The following DLG1 variants were observed in gnomAD, a reference collection of about 807,000 sequenced individuals.
The protein encoded by DLG1 is discs large MAGUK scaffold protein 1.
Under a neutral mutation model 123.4 loss-of-function variants are expected in DLG1, and 42 were observed. The ratio of observed to expected loss-of-function variants is 0.34; its 90% CI spans 0.27 to 0.44. The LOEUF (loss-of-function observed/expected upper bound fraction) is 0.44, where lower values mean the gene tolerates loss of function less well. Ranked by LOEUF, DLG1 falls within the 20% of genes least tolerant of loss-of-function variation. The pLI, the probability that DLG1 is intolerant of heterozygous loss-of-function variation, is 1.00. For synonymous variants in DLG1, 317 were observed against 356.2 expected, an observed-to-expected ratio of 0.89 and a Z score of 1.24; for missense variants, 942 against 1,082.6, an observed-to-expected ratio of 0.87 and a Z score of 1.82.
At chr3:197,063,336 T>C (rs1737168976) in intron 22 of DLG1, among the ~76,000 whole-genome samples, 1 of 152,136 alleles carries the variant, frequency 6.6e-6, no homozygotes, top group Non-Finnish European at 1.5e-5. Context: ...GTTAAAATAA[T>C]ACAAAAATGT....
At chr3:197,136,984 A>G (rs1054322931) in intron 9 of DLG1, among the ~76,000 whole-genome samples, 3 of 152,218 alleles carry the variant, frequency 2.0e-5, no homozygotes, top group African/African-American at 7.2e-5. Context: ...CATCATAATT[A>G]TGCTTACCTA....
At position 197,119,419 on chromosome 3, in the gene DLG1, T is replaced by C. The variant is rs993352129; in HGVS notation, c.1277A>G (p.Glu426Gly). The C allele has an allele frequency of 6.2e-7, 1 of 1,601,410 alleles. No individual in the cohort carries two copies. The highest frequency in any genetic ancestry group is 8.5e-7 in the Non-Finnish European group (1 of 1,172,794). Residue 426 changes from glutamate to glycine, a missense_variant, in exon 12 of 25, where the codon GAA becomes GGA. Transcript: ENST00000667157. The part of the protein sequence containing the change: ...PVSKAVLGDD[E>G]ITREPRKVVL... ...ATGTTAACTTCCTTACCTTGTAATTTCATCATCTCCAAGTACTGCTTTAGA... is the reference window on the plus strand; with the variant it reads ...ATGTTAACTTCCTTACCTTGTAATTCCATCATCTCCAAGTACTGCTTTAGA...
chr3:197,207,051 G>A (rs1478508096), intron 4 of DLG1, among the ~76,000 whole-genome samples: 1 of 152,186 alleles, frequency 6.6e-6, no homozygotes, highest in Non-Finnish European at 1.5e-5. Context: ...TTCCATGTAT[G>A]ATGTATGGCT....
At chr3:197,148,763 G>A (rs1792409559) in intron 6 of DLG1, among the ~76,000 whole-genome samples, 1 of 152,116 alleles carries the variant, frequency 6.6e-6, no homozygotes, top group Non-Finnish European at 1.5e-5. Context: ...GTTGGATTAT[G>A]CAATGGCTTC....
At chr3:197,089,622 A>G (rs1484945807) in intron 15 of DLG1, among the ~76,000 whole-genome samples, 1 of 151,960 alleles carries the variant, frequency 6.6e-6, no homozygotes, top group African/African-American at 2.4e-5. Context: ...AATATAACCT[A>G]TTATGTTCTG....
chr3:197,197,330 T>C (rs1723063327), intron 4 of DLG1, among the ~76,000 whole-genome samples: 1 of 152,254 alleles, frequency 6.6e-6, no homozygotes, highest in Admixed American at 6.5e-5. Context: ...TTAGCAGCTC[T>C]TGATATTCAA....
intron 5 of DLG1, among the ~76,000 whole-genome samples, chr3:197,193,117 G>C (rs1426809213): frequency 1.3e-5 from 2 of 151,644 alleles, no homozygotes; most frequent in Non-Finnish European, 2.9e-5. Flanking sequence ...AATTTTACTA[G>C]TAAGAAATGA....
intron 6 of DLG1, among the ~76,000 whole-genome samples, chr3:197,145,820 G>C (rs1333185909): frequency 6.6e-6 from 1 of 151,562 alleles, no homozygotes; most frequent in Non-Finnish European, 1.5e-5. Context: ...AAATTAGCCA[G>C]GTGTGGTGGT....
intron 11 of DLG1, among the ~76,000 whole-genome samples, chr3:197,127,215 G>C (rs1348576847): frequency 6.6e-6 from 1 of 151,306 alleles, no homozygotes; most frequent in Non-Finnish European, 1.5e-5. Context: ...CTGAGGCCAG[G>C]AGTTTGAGAC....
chr3:197,161,978 G>A (rs957925642), intron 5 of DLG1, among the ~76,000 whole-genome samples: 1 of 152,036 alleles, frequency 6.6e-6, no homozygotes, highest in Non-Finnish European at 1.5e-5. Context: ...CTCTTTAGAT[G>A]CTTAAATCAT....
At chr3:197,118,187 T>C (rs1006051875) in intron 12 of DLG1, among the ~76,000 whole-genome samples, 7 of 152,198 alleles carry the variant, frequency 4.6e-5, no homozygotes, top group Non-Finnish European at 7.4e-5. Flanking sequence ...GGTGCAAATA[T>C]AACTTATTTT....
chr3:197,235,995 T>C (rs1206618300), intron 4 of DLG1, among the ~76,000 whole-genome samples: 1 of 152,146 alleles, frequency 6.6e-6, no homozygotes, highest in East Asian at 1.9e-4. Flanking sequence ...CAACCCAGAA[T>C]TTTTTTCATC....
chr3:197,101,946 A>G (rs1763714495), intron 14 of DLG1, among the ~76,000 whole-genome samples: 1 of 152,128 alleles, frequency 6.6e-6, no homozygotes, highest in South Asian at 2.1e-4. Flanking sequence ...TAGCAGAGAC[A>G]AGATCTTGCT....
intron 5 of DLG1, among the ~76,000 whole-genome samples, chr3:197,189,859 T>C (rs1025089606): frequency 3.9e-5 from 6 of 152,124 alleles, no homozygotes; most frequent in Non-Finnish European, 7.4e-5. Context: ...CATGACAAAA[T>C]GCCAGCAACT....
At chr3:197,147,114 T>C (rs1265453162) in intron 6 of DLG1, among the ~76,000 whole-genome samples, 1 of 151,912 alleles carries the variant, frequency 6.6e-6, no homozygotes, top group East Asian at 1.9e-4. Context: ...CCTGCAAGAA[T>C]GGTCATCATA....
intron 4 of DLG1, among the ~76,000 whole-genome samples, chr3:197,277,027 G>T (rs1415870921): frequency 6.6e-6 from 1 of 151,606 alleles, no homozygotes; most frequent in African/African-American, 2.4e-5. Flanking sequence ...GAGTAGCTGG[G>T]ACCACAGGAG....
intron 6 of DLG1, among the ~76,000 whole-genome samples, chr3:197,148,261 A>AAAAAAAAAAAAG: frequency 6.9e-6 from 1 of 144,788 alleles, no homozygotes; most frequent in East Asian, 2.0e-4. Context: ...AAAAAAAAAA[A>AAAAAAAAAAAAG]TAGCCAGTCA....
intron 4 of DLG1, among the ~76,000 whole-genome samples, chr3:197,195,445 C>T (rs865887905): frequency 2.6e-5 from 4 of 152,026 alleles, no homozygotes; most frequent in South Asian, 2.1e-4. Flanking sequence ...CACTGCAGAG[C>T]GATTCACAAT....
chr3:197,113,691 G>C (rs572314268), intron 13 of DLG1, among the ~76,000 whole-genome samples: 1 of 149,202 alleles, frequency 6.7e-6, no homozygotes, highest in Admixed American at 6.6e-5. Context: ...GAACCAAGCC[G>C]ACAATTTCTG....
Sources: allele counts gnomAD v4.1 joint callset (sites outside exome capture counted in the v4.1 genomes callset), GRCh38; gene constraint gnomAD v4.1.1; transcripts MANE v1.5; gene names NCBI Gene and HGNC (gene_info 2026-07-23, HGNC 2026-07-21).